PARD3: variants seen among roughly 807,000 people sequenced by gnomAD.
PARD3 encodes par-3 family cell polarity regulator.
Under a neutral mutation model 155.4 loss-of-function variants are expected in PARD3, and 75 were observed. The ratio of observed to expected loss-of-function variants is 0.48; its 90% CI spans 0.40 to 0.58. The LOEUF is 0.58. PARD3 is among the 20% of genes least tolerant of loss of function. The pLI, the probability that PARD3 is intolerant of heterozygous loss-of-function variation, is 0.00. For synonymous variants in PARD3, 576 were observed against 610.5 expected, an observed-to-expected ratio of 0.94 and a Z score of 0.83; for missense variants, 1,642 against 1,721.7, an observed-to-expected ratio of 0.95 and a Z score of 0.82.
At chr10:34,145,221 A>ATATATATATTTT (rs1491430560) in intron 22 of PARD3, among the ~76,000 whole-genome samples, 9 of 33,968 alleles carry the variant, frequency 2.6e-4, no homozygotes, top group African/African-American at 1.1e-3. Flanking sequence ...ATATATATAT[A>ATATATATATTTT]TTTTTTTTTT....
At chr10:34,389,239 T>TAAAAAAAAAAAAAAAAAAAA (rs57615675) in intron 7 of PARD3, among the ~76,000 whole-genome samples, 1 of 65,882 alleles carries the variant, frequency 1.5e-5, no homozygotes, top group Non-Finnish European at 2.6e-5. Flanking sequence ...CAATGTTTCT[T>TAAAAAAAAAAAAAAAAAAAA]AAAAAAAAAA....
intron 1 of PARD3, among the ~76,000 whole-genome samples, chr10:34,781,560 A>G (rs1230758557): frequency 1.3e-5 from 2 of 152,228 alleles, no homozygotes; most frequent in African/African-American, 2.4e-5. Flanking sequence ...GTTCTGTATG[A>G]ATGGTAGGTG....
intron 1 of PARD3, among the ~76,000 whole-genome samples, chr10:34,708,408 A>G (rs143881868): frequency 1.2e-3 from 180 of 152,324 alleles, no homozygotes; most frequent in Admixed American, 2.0e-3. Context: ...TAGGTAATGG[A>G]ATGATACATT....
intron 1 of PARD3, among the ~76,000 whole-genome samples, chr10:34,717,442 A>T (rs1191393796): frequency 6.6e-6 from 1 of 152,174 alleles, no homozygotes; most frequent in Non-Finnish European, 1.5e-5. Flanking sequence ...AAAGTACCTA[A>T]TCTCCTCTAC....
At chr10:34,311,803 CTT>C (rs952086066) in intron 20 of PARD3, among the ~76,000 whole-genome samples, 1 of 152,186 alleles carries the variant, frequency 6.6e-6, no homozygotes, top group Non-Finnish European at 1.5e-5. Context: ...GGACTGAAAC[CTT>C]TGCCAAAAAG....
intron 19 of PARD3, among the ~76,000 whole-genome samples, chr10:34,323,297 C>G (rs1958489115): frequency 6.6e-6 from 1 of 152,122 alleles, no homozygotes; most frequent in South Asian, 2.1e-4. Context: ...ATGATGAGCT[C>G]TTGGCAACAG....
chr10:34,640,736 A>AG (rs2092652313), intron 2 of PARD3, among the ~76,000 whole-genome samples: 1 of 144,068 alleles, frequency 6.9e-6, no homozygotes, highest in African/African-American at 2.6e-5. Flanking sequence ...AAAAAAAAAA[A>AG]GCACTTTTAG....
At chr10:34,280,548 A>G (rs1377263590) in intron 21 of PARD3, among the ~76,000 whole-genome samples, 3 of 152,192 alleles carry the variant, frequency 2.0e-5, no homozygotes, top group Admixed American at 2.0e-4. Flanking sequence ...GAGCAGTGGT[A>G]AGCACGCACT....
intron 1 of PARD3, among the ~76,000 whole-genome samples, chr10:34,720,962 A>G (rs1358474179): frequency 6.6e-6 from 1 of 152,194 alleles, no homozygotes; most frequent in Non-Finnish European, 1.5e-5. Flanking sequence ...ACTCTCAATT[A>G]AAAGGCCCAA....
intron 3 of PARD3, among the ~76,000 whole-genome samples, chr10:34,513,447 A>C (rs2133582728): frequency 6.6e-6 from 1 of 152,058 alleles, no homozygotes; most frequent in South Asian, 2.1e-4. Context: ...CGCCCAGGTA[A>C]TTTTTTTGTA....
At chr10:34,669,865 G>C (rs2093576654) in intron 2 of PARD3, among the ~76,000 whole-genome samples, 1 of 152,112 alleles carries the variant, frequency 6.6e-6, no homozygotes, top group African/African-American at 2.4e-5. Flanking sequence ...TTTAAAATTT[G>C]GCTTTCAATC....
At chr10:34,641,156 T>C (rs2092666221) in intron 2 of PARD3, among the ~76,000 whole-genome samples, 1 of 152,310 alleles carries the variant, frequency 6.6e-6, no homozygotes, top group Non-Finnish European at 1.5e-5. Flanking sequence ...TCCCTACAGC[T>C]TTCTATGATG....
At chr10:34,383,146 A>T (rs561395409) in intron 8 of PARD3, among the ~76,000 whole-genome samples, 1 of 152,340 alleles carries the variant, frequency 6.6e-6, no homozygotes, top group South Asian at 2.1e-4. Context: ...AAATAGAAAA[A>T]TTATCTACAA....
intron 2 of PARD3, among the ~76,000 whole-genome samples, chr10:34,526,362 C>G (rs1256147984): frequency 6.6e-6 from 1 of 152,168 alleles, no homozygotes; most frequent in Non-Finnish European, 1.5e-5. Flanking sequence ...GAAATCTCCC[C>G]CAGTCCCTAC....
intron 2 of PARD3, among the ~76,000 whole-genome samples, chr10:34,544,721 A>C (rs1451694555): frequency 1.3e-5 from 2 of 152,238 alleles, no homozygotes; most frequent in Non-Finnish European, 2.9e-5. Context: ...TGACAATTTG[A>C]GAATAAAGGA....
chr10:34,796,813 C>T (rs1262256839), intron 1 of PARD3, among the ~76,000 whole-genome samples: 2 of 152,072 alleles, frequency 1.3e-5, no homozygotes, highest in African/African-American at 2.4e-5. Flanking sequence ...GGCAAAACCC[C>T]GTCTCTACTA....
chr10:34,294,642 C>T (rs1041633346), intron 20 of PARD3, among the ~76,000 whole-genome samples: 4 of 152,086 alleles, frequency 2.6e-5, no homozygotes, highest in African/African-American at 4.8e-5. Context: ...TAAGTTAATT[C>T]GCATATTCAG....
intron 1 of PARD3, among the ~76,000 whole-genome samples, chr10:34,708,058 A>G (rs888327647): frequency 1.2e-4 from 19 of 152,018 alleles, no homozygotes; most frequent in African/African-American, 3.9e-4. Flanking sequence ...TCTAACACCA[A>G]CTTCCTGCCT....
At chr10:34,157,887 C>T (rs1019273969) in intron 22 of PARD3, among the ~76,000 whole-genome samples, 1 of 152,160 alleles carries the variant, frequency 6.6e-6, no homozygotes, top group Non-Finnish European at 1.5e-5. Flanking sequence ...ACAATTCTAA[C>T]CCAGGATTTT....
Sources: allele counts gnomAD v4.1 joint callset (sites outside exome capture counted in the v4.1 genomes callset), GRCh38; gene constraint gnomAD v4.1.1; transcripts MANE v1.5; gene names NCBI Gene and HGNC (gene_info 2026-07-23, HGNC 2026-07-21).